ABCD3: variants seen among roughly 807,000 people sequenced by gnomAD.
The protein encoded by ABCD3 is ATP binding cassette subfamily D member 3.
ABCD3 carries 41 observed loss-of-function variants against 105.5 expected under a neutral mutation model. The ratio of observed to expected loss-of-function variants is 0.39; its 90% CI spans 0.30 to 0.50. The LOEUF (loss-of-function observed/expected upper bound fraction) is 0.50. ABCD3 is among the 20% of genes least tolerant of loss of function. ABCD3 has a pLI of 0.84. For missense variants in ABCD3, 622 were observed against 806.3 expected (o/e 0.77, Z 2.77); for synonymous variants, 258 against 269.0 (o/e 0.96, Z 0.40).
At chr1:94,491,551 T>G (rs895453580) in intron 16 of ABCD3, among the ~76,000 whole-genome samples, 3 of 152,114 alleles carry the variant, frequency 2.0e-5, no homozygotes, top group African/African-American at 7.2e-5. Flanking sequence ...CAAATATAAT[T>G]TTAGTCTCTT....
chr1:94,438,301 TACACACACACAC>T (rs58959540), intron 1 of ABCD3, among the ~76,000 whole-genome samples: 2,646 of 128,286 alleles, frequency 0.021, 51 homozygotes, highest in Non-Finnish European at 0.024. Flanking sequence ...CACACACACA[TACACACACACAC>T]ACACACACAC....
chr1:94,421,118 A>G (rs915676938), intron 1 of ABCD3, among the ~76,000 whole-genome samples: 41 of 152,142 alleles, frequency 2.7e-4, no homozygotes, highest in African/African-American at 9.4e-4. Context: ...CATATAAAAA[A>G]TAAATAGAAT....
At chr1:94,482,952 C>T in intron 9 of ABCD3, 1 of 539,676 alleles carries the variant, frequency 1.9e-6, no homozygotes. Flanking sequence ...GGTTGCAGTC[C>T]AGCATATGAT....
At chr1:94,487,822 A>G (rs370808479) in intron 12 of ABCD3, 31 bp downstream of exon 12, 14 of 1,611,908 alleles carry the variant, frequency 8.7e-6, no homozygotes, top group African/African-American at 2.7e-5. Flanking sequence ...TGAAAATGTA[A>G]CAGTAAAAAT....
intron 9 of ABCD3, 100 bp downstream of exon 9, chr1:94,480,706 A>G (rs754264194): frequency 4.7e-5 from 56 of 1,199,982 alleles, no homozygotes; most frequent in Non-Finnish European, 6.4e-5. Flanking sequence ...TGTTACTGTA[A>G]TAATGTGCAT....
chr1:94,508,233 A>G (rs1034945570), intron 21 of ABCD3, among the ~76,000 whole-genome samples: 2 of 152,172 alleles, frequency 1.3e-5, no homozygotes, highest in Non-Finnish European at 2.9e-5. Flanking sequence ...TCCCAGCACC[A>G]TTTATTAAAT....
At chr1:94,503,698 A>G (rs1331790152) in intron 20 of ABCD3, among the ~76,000 whole-genome samples, 1 of 152,066 alleles carries the variant, frequency 6.6e-6, no homozygotes, top group East Asian at 1.9e-4. Context: ...TCATGCAAAC[A>G]GGTGGAAAGC....
chr1:94,401,752 T>TC, the ABCD3 span, among the ~76,000 whole-genome samples: 1 of 152,222 alleles, frequency 6.6e-6, no homozygotes, highest in East Asian at 1.9e-4. Flanking sequence ...TTAAGATCTT[T>TC]CTTTTTAAAA....
the ABCD3 span, among the ~76,000 whole-genome samples, chr1:94,392,632 C>T: frequency 7.2e-5 from 11 of 152,132 alleles, no homozygotes; most frequent in African/African-American, 1.9e-4. Context: ...CTTCCTTTTC[C>T]GTAAATACAT....
intron 3 of ABCD3, 88 bp from the exon 4 acceptor site, chr1:94,467,831 T>A: frequency 1.1e-6 from 1 of 926,400 alleles, no homozygotes; most frequent in South Asian, 1.4e-5. Flanking sequence ...AGCTTTAGAT[T>A]TGGAAACCAA....
rs1045859255 is a variant in ABCD3, at chr1:94,518,119, T to C, written c.*990T>C. 2.6e-5 allele frequency: 4 copies of C among 152,118 alleles called. No individual in the cohort carries two copies. The highest frequency in any genetic ancestry group is 9.7e-5 in the African/African-American group (4 of 41,438). The allele number at this position is 152,118 out of a possible 1,614,324, so 9.4% of individuals were successfully genotyped here. ...TTATTATATATACATGGGTGAATTA[T>C]GTTTCCGAGGCACTGTTTTATCTCT... is the stretch of plus-strand genomic sequence containing the variant. On this transcript the variant is annotated 3_prime_UTR_variant, in exon 23 of 23. Coordinates refer to ENST00000370214, the MANE Select transcript of ABCD3 (RefSeq NM_002858.4).
In ABCD3 at chr1:94,517,168, T is replaced by C. The variant is rs1297081090; in HGVS notation, c.*39T>C. The C allele has an allele frequency of 1.4e-6, 2 of 1,426,108 alleles. No individual in the cohort carries two copies. Among genetic ancestry groups the C allele is most frequent in the Middle Eastern group, 1.8e-4 (1 of 5,674 alleles). The allele number at this position is 1,426,108 out of a possible 1,614,324, so 88.3% of individuals were successfully genotyped here. A position where few individuals can be genotyped will look rare whatever the true frequency, so the allele number is the denominator to read the frequency against. The stretch of plus-strand genomic sequence containing the variant: ...ACTATACCTGCTTCAGTGAAATAAT[T>C]ACAGAATATACTTAGAAAGGCAAAG... On this transcript the variant is annotated 3_prime_UTR_variant, in exon 23 of 23. Transcript: ENST00000370214.
intron 1 of ABCD3, among the ~76,000 whole-genome samples, chr1:94,423,909 A>G (rs909654985): frequency 6.6e-6 from 1 of 152,142 alleles, no homozygotes; most frequent in Non-Finnish European, 1.5e-5. Context: ...AAGCTCTAGA[A>G]GGGGCTGGCT....
rs528546410 is a variant in ABCD3, at chr1:94,473,281, G to A, written c.336-485G>A. On this transcript the variant is annotated intron_variant, in intron 4 of 22. Transcript: ENST00000370214. ...TTGAGTAGTTGCAGCGGAGCCCTTA[G>A]GGTGCACAAAGCCTAAAATATTTAC... Among the ~76,000 whole-genome samples the A allele has an allele frequency of 8.5e-5, 13 of 152,248 alleles. No homozygotes were observed. The East Asian group carries it at 2.5e-3, about 29-fold the overall frequency.
intron 1 of ABCD3, among the ~76,000 whole-genome samples, chr1:94,443,674 T>C (rs556353324): frequency 1.1e-4 from 16 of 152,260 alleles, no homozygotes; most frequent in African/African-American, 3.1e-4. Flanking sequence ...TGGTGAGAGG[T>C]AGGGGTCCAG....
chr1:94,460,966 A>AT (rs1491289793), intron 2 of ABCD3, among the ~76,000 whole-genome samples: 2 of 151,846 alleles, frequency 1.3e-5, no homozygotes, highest in East Asian at 1.9e-4. Context: ...CATTTTACTC[A>AT]TTTTTTTCTT....
intron 1 of ABCD3, among the ~76,000 whole-genome samples, chr1:94,447,092 C>G (rs1660377448): frequency 1.3e-5 from 2 of 152,192 alleles, no homozygotes. Context: ...TTTTTGATGG[C>G]AGCCATTGTT....
At chr1:94,417,207 C>T (rs1285850490), upstream of ABCD3, among the ~76,000 whole-genome samples, 1 of 152,148 alleles carries the variant, frequency 6.6e-6, no homozygotes, top group Non-Finnish European at 1.5e-5. Flanking sequence ...TTCAGTTCTG[C>T]ATAATTTAGA....
intron 1 of ABCD3, among the ~76,000 whole-genome samples, chr1:94,444,114 A>G (rs569831226): frequency 1.3e-5 from 2 of 152,080 alleles, no homozygotes; most frequent in South Asian, 2.1e-4. Context: ...CAGGCAGACC[A>G]TGAGGTCAAG....
Sources: gnomAD v4.1 joint callset for allele counts (sites outside exome capture counted in the v4.1 genomes callset) on GRCh38, gnomAD v4.1.1 for gene constraint, MANE v1.5 for transcripts, NCBI Gene and HGNC (gene_info 2026-07-23, HGNC 2026-07-21) for gene names.